ZFPM2: variants seen among roughly 807,000 people sequenced by gnomAD.
ZFPM2 encodes the protein zinc finger protein, FOG family member 2, also known as zinc finger protein ZFPM2.
Under a neutral mutation model 98.6 loss-of-function variants are expected in ZFPM2, and 20 were observed. The observed-to-expected ratio is 0.20, with a 90% CI of 0.14 to 0.29. ZFPM2 has a LOEUF of 0.29. ZFPM2 is among the 10% of genes least tolerant of loss of function. The probability of loss-of-function intolerance (pLI) is 1.00; values close to 1 mark genes in which losing one functional copy is unlikely to be tolerated. For synonymous variants in ZFPM2, 518 were observed against 502.7 expected (o/e 1.03, Z -0.41); for missense variants, 1,310 against 1,388.6 (o/e 0.94, Z 0.90).
chr8:105,394,061 T>C (rs941523097), intron 1 of ZFPM2, among the ~76,000 whole-genome samples: 2 of 151,930 alleles, frequency 1.3e-5, no homozygotes, highest in Admixed American at 1.3e-4. Context: ...GCCCGGCTAA[T>C]TTTTTGTATT....
At chr8:105,359,324 AC>A (rs962105471) in intron 1 of ZFPM2, among the ~76,000 whole-genome samples, 18 of 146,922 alleles carry the variant, frequency 1.2e-4, no homozygotes, top group African/African-American at 4.5e-4. Flanking sequence ...TTTGTAAATT[AC>A]CCACTCTCGG....
chr8:105,487,892 G>GTCTATCTATCTATCTA (rs752314176), intron 3 of ZFPM2, among the ~76,000 whole-genome samples: 112 of 103,446 alleles, frequency 1.1e-3, no homozygotes, highest in East Asian at 2.7e-3. Flanking sequence ...AAGTCTGTCT[G>GTCTATCTATCTATCTA]TCTATCTATC....
chr8:105,785,369 G>C (rs1813384628), intron 5 of ZFPM2, among the ~76,000 whole-genome samples: 1 of 151,460 alleles, frequency 6.6e-6, no homozygotes, highest in Admixed American at 6.6e-5. Context: ...CAGTTGGACA[G>C]ACAAAAGTGT....
At chr8:105,591,633 T>C (rs914545379) in intron 4 of ZFPM2, among the ~76,000 whole-genome samples, 3 of 152,202 alleles carry the variant, frequency 2.0e-5, no homozygotes, top group African/African-American at 7.2e-5. Context: ...TTGGGTTATC[T>C]TGATGAAAAG....
intron 5 of ZFPM2, among the ~76,000 whole-genome samples, chr8:105,637,809 G>A (rs1040492580): frequency 3.3e-5 from 5 of 152,126 alleles, no homozygotes; most frequent in Admixed American, 2.0e-4. Flanking sequence ...AAGCAAAAGC[G>A]TTTTGAAGAT....
chr8:105,441,437 A>AGG lies in ZFPM2; in HGVS notation c.200-2842_200-2841insGG, dbSNP rs1368908660. Among the ~76,000 whole-genome samples the AGG allele has an allele frequency of 1.1e-4, 10 of 91,702 alleles. No individual in the cohort carries two copies. The East Asian group carries it at 2.7e-3, about 25-fold the overall frequency. 60.2% of individuals were successfully genotyped at this position (91,702 alleles called of 152,430 possible). ...AACAAAAAAAAAGAAAGAAAGAAAG[A>AGG]GAGAGAGAGAGAGAGAGAAAGAAAG... On this transcript the variant is annotated intron_variant, in intron 2 of 7. Transcript: ENST00000407775.
In ZFPM2 at chr8:105,674,150, A is replaced by C. The variant is rs533531520; in HGVS notation, c.532+39793A>C. 4.6e-5 allele frequency among the ~76,000 whole-genome samples: 7 copies of C among 152,320 alleles called. No homozygotes were observed. The South Asian group carries it at 1.4e-3, about 32-fold the overall frequency. On this transcript the variant is annotated intron_variant, in intron 5 of 7. Coordinates refer to ENST00000407775, the MANE Select transcript of ZFPM2 (RefSeq NM_012082.4). The stretch of plus-strand genomic sequence containing the variant: ...TAGCTCTAATCGTAAATAATACAGC[A>C]GTTTTCCTGGTTATATTAATTATAA...
chr8:105,587,263 C>T (rs1390211735), intron 4 of ZFPM2, among the ~76,000 whole-genome samples: 2 of 122,876 alleles, frequency 1.6e-5, no homozygotes, highest in African/African-American at 3.1e-5. Flanking sequence ...GGTGACAGAG[C>T]AAGACTCTGT....
At chr8:105,440,554 C>T (rs754015575) in intron 2 of ZFPM2, among the ~76,000 whole-genome samples, 3 of 151,944 alleles carry the variant, frequency 2.0e-5, no homozygotes, top group Non-Finnish European at 4.4e-5. Flanking sequence ...TAACTAAAGG[C>T]ATTTTGGTGA....
intron 4 of ZFPM2, among the ~76,000 whole-genome samples, chr8:105,604,200 A>G (rs1816150264): frequency 6.6e-6 from 1 of 151,828 alleles, no homozygotes; most frequent in African/African-American, 2.4e-5. Context: ...AGTTTTTCAG[A>G]CCCTCAAATC....
chr8:105,795,805 G>A, intron 6 of ZFPM2: 1 of 491,456 alleles, frequency 2.0e-6, no homozygotes. Context: ...CCCAAGATCT[G>A]TGTTCTAGCC....
At chr8:105,778,418 T>C (rs1813155881) in intron 5 of ZFPM2, among the ~76,000 whole-genome samples, 1 of 152,098 alleles carries the variant, frequency 6.6e-6, no homozygotes, top group Non-Finnish European at 1.5e-5. Flanking sequence ...ACCAAACAAG[T>C]AAGTATTCCG....
chr8:105,660,167 G>A (rs528964677), intron 5 of ZFPM2, among the ~76,000 whole-genome samples: 5 of 151,930 alleles, frequency 3.3e-5, no homozygotes, highest in African/African-American at 1.2e-4. Flanking sequence ...AAACTTAGAA[G>A]TCATCCTTGG....
rs774053260 is a variant in ZFPM2 at position 105,803,129 on chromosome 8, A to C, written c.3047A>C (p.Lys1016Thr). 1 of 1,613,814 alleles carries C rather than the reference A, an allele frequency of 6.2e-7. No individual in the cohort carries two copies. The highest frequency in any genetic ancestry group is 8.5e-7 in the Non-Finnish European group (1 of 1,179,868). ...AGAAATGCAGAAAATGAATCTCCTAAAGGCCAGGCTTCCTCAAATGGGTGT... is the reference window on the plus strand; with the variant it reads ...AGAAATGCAGAAAATGAATCTCCTACAGGCCAGGCTTCCTCAAATGGGTGT... ...QSRNAENESP[K>T]GQASSNGCAA... Residue 1016 changes from lysine (K) to threonine (T), a missense_variant, in exon 8 of 8, where the codon AAA (lysine) becomes ACA (threonine). Transcript: ENST00000407775.
At chr8:105,540,161 TTTAGAATATTC>T (rs1216383955) in intron 3 of ZFPM2, among the ~76,000 whole-genome samples, 1 of 152,158 alleles carries the variant, frequency 6.6e-6, no homozygotes, top group Non-Finnish European at 1.5e-5. Flanking sequence ...AAGCCTATTT[TTTAGAATATTC>T]TTACATGATA....
chr8:105,585,629 G>C (rs1815695023), intron 4 of ZFPM2, among the ~76,000 whole-genome samples: 1 of 151,926 alleles, frequency 6.6e-6, no homozygotes, highest in African/African-American at 2.4e-5. Flanking sequence ...ATATTCTAGT[G>C]ACAAATACAG....
chr8:105,420,419 C>T (rs1444939132), intron 2 of ZFPM2, among the ~76,000 whole-genome samples: 2 of 152,052 alleles, frequency 1.3e-5, no homozygotes, highest in African/African-American at 2.4e-5. Flanking sequence ...TGTCAGTCAG[C>T]TCCCATCCCT....
In ZFPM2 at chr8:105,421,357, T is replaced by TA. The variant is rs1213056595; in HGVS notation, c.199+2057dup. On this transcript the variant is annotated intron_variant, in intron 2 of 7. Transcript: ENST00000407775. ...TATGTAACATATATGTATTATAAGA[T>TA]AATTCTGTAATGTTTAATTTGAAAG... Among the ~76,000 whole-genome samples the TA allele has an allele frequency of 3.9e-5, 6 of 152,094 alleles. No individual in the cohort carries two copies. The East Asian group carries it at 1.2e-3, about 29-fold the overall frequency.
intron 1 of ZFPM2, among the ~76,000 whole-genome samples, chr8:105,375,739 C>T (rs1810713554): frequency 6.6e-6 from 1 of 152,098 alleles, no homozygotes; most frequent in East Asian, 1.9e-4. Flanking sequence ...AAAGTACAAA[C>T]TGAAAGAAAA....
Sources: gnomAD v4.1 joint callset for allele counts (sites outside exome capture counted in the v4.1 genomes callset) on GRCh38, gnomAD v4.1.1 for gene constraint, MANE v1.5 for transcripts, NCBI Gene and HGNC (gene_info 2026-07-23, HGNC 2026-07-21) for gene names.